The following AVEN variants were observed in gnomAD, a reference collection of about 807,000 sequenced individuals.
AVEN encodes the protein cell death regulator Aven.
A neutral mutation model predicts 38.1 loss-of-function variants in AVEN; 41 were observed. The ratio of observed to expected loss-of-function variants is 1.08; its 90% CI spans 0.84 to 1.40. The LOEUF (loss-of-function observed/expected upper bound fraction) is 1.40. AVEN is among the 40% of genes most tolerant of loss of function. The pLI is 0.00. For synonymous variants in AVEN, 206 were observed against 171.8 expected, an observed-to-expected ratio of 1.20 and a Z score of -1.56; for missense variants, 605 against 438.8, an observed-to-expected ratio of 1.38 and a Z score of -3.38.
chr15:34,033,868 A>G (rs1339632411), intron 1 of AVEN, among the ~76,000 whole-genome samples: 2 of 152,010 alleles, frequency 1.3e-5, no homozygotes, highest in Non-Finnish European at 2.9e-5. Flanking sequence ...GCTCACTGCA[A>G]CCTCCGCCTC....
rs766139908 is a variant in AVEN, at chr15:33,867,678, G to C, written c.790C>G (p.Pro264Ala). 2.0e-5 allele frequency: 33 copies of C among 1,614,006 alleles called. No individual in the cohort carries two copies. Among genetic ancestry groups the C allele is most frequent in the Non-Finnish European group, 2.8e-5 (33 of 1,180,026 alleles). ...GTGGGTTTCTGAGAATCCCTTGAAG[G>C]ACCCGGGCTTGGGTTGTCTTTGCCC... ...LLGKDNPSPG[P>A]SRDSQKPTSP... Residue 264 changes from proline to alanine, a missense_variant, in exon 5 of 6, where the codon CCT (proline) becomes GCT (alanine). Coordinates refer to ENST00000306730, the MANE Select transcript of AVEN (RefSeq NM_020371.3).
intron 2 of AVEN, among the ~76,000 whole-genome samples, chr15:33,876,329 T>C (rs1230943438): frequency 6.6e-6 from 1 of 152,204 alleles, no homozygotes; most frequent in Non-Finnish European, 1.5e-5. Context: ...CCCAGCACTT[T>C]GGGAGGCTGA....
intron 5 of AVEN, chr15:34,062,827 C>A (rs772868482): frequency 1.2e-6 from 2 of 1,614,242 alleles, no homozygotes; most frequent in Admixed American, 3.3e-5. Context: ...GCAGCTGTGA[C>A]TGCTGTGGTA....
At chr15:33,852,961 C>G in the AVEN span, 1 of 1,167,332 alleles carries the variant, frequency 8.6e-7, no homozygotes, top group East Asian at 2.5e-5. Flanking sequence ...ATCCCAGATC[C>G]AGGCACTCAA....
In AVEN at chr15:33,859,810, G is replaced by A. The variant is rs771805578; in HGVS notation, n.2730-716C>T. 4.9e-6 allele frequency: 7 copies of A among 1,418,324 alleles called. No individual in the cohort carries two copies. The South Asian group carries it at 6.6e-5, about 13-fold the overall frequency. 87.9% of individuals were successfully genotyped at this position (1,418,324 alleles called of 1,614,324 possible). ...CTTTCTTCCATCTATGACTTAATTG[G>A]TTTATGAAGAAGCGTGTGAATTCAT... is the stretch of plus-strand genomic sequence containing the variant. On this transcript the variant is annotated intron_variant and non_coding_transcript_variant, in intron 11 of 11. Coordinates refer to the AVEN transcript ENST00000675287.
chr15:33,935,335 T>A (rs1198112092), intron 2 of AVEN, among the ~76,000 whole-genome samples: 1 of 152,192 alleles, frequency 6.6e-6, no homozygotes, highest in Non-Finnish European at 1.5e-5. Flanking sequence ...ACATGTGTAT[T>A]CACAATTATT....
intron 1 of AVEN, among the ~76,000 whole-genome samples, chr15:34,017,497 T>TTTTTTTTTTG (rs1555516619): frequency 1.5e-5 from 2 of 133,360 alleles, no homozygotes; most frequent in Non-Finnish European, 3.3e-5. Flanking sequence ...TTTTTTTTTT[T>TTTTTTTTTTG]TTTGAGACAG....
chr15:34,056,320 C>T (rs879833574), intron 5 of AVEN, among the ~76,000 whole-genome samples: 6 of 152,056 alleles, frequency 3.9e-5, no homozygotes, highest in Admixed American at 6.6e-5. Context: ...AGATTTTAGC[C>T]GAAATTAGAA....
intron 2 of AVEN, among the ~76,000 whole-genome samples, chr15:33,974,915 T>C (rs1416956689): frequency 1.3e-5 from 2 of 152,122 alleles, no homozygotes; most frequent in Non-Finnish European, 2.9e-5. Context: ...GAGCTTGCAG[T>C]GAGCCAAGAT....
intron 2 of AVEN, among the ~76,000 whole-genome samples, chr15:33,978,730 C>T (rs1349617657): frequency 6.6e-6 from 1 of 151,882 alleles, no homozygotes; most frequent in African/African-American, 2.4e-5. Flanking sequence ...CGTCCCCAGG[C>T]ATTTGAGAAA....
chr15:33,981,076 A>G (rs527834), intron 2 of AVEN, among the ~76,000 whole-genome samples: 115,268 of 152,156 alleles, frequency 0.76, 48,705 homozygotes, highest in Non-Finnish European at 0.95. Flanking sequence ...TCACAACTTG[A>G]TTCCAAGACT....
intron 2 of AVEN, chr15:33,972,585 G>C (rs1001670689): frequency 6.6e-6 from 1 of 152,122 alleles, no homozygotes; most frequent in Non-Finnish European, 1.5e-5. Flanking sequence ...CAAAACTTCT[G>C]TGTTCTCTGA....
At chr15:34,011,961 A>G (rs541264698) in intron 1 of AVEN, among the ~76,000 whole-genome samples, 1 of 152,308 alleles carries the variant, frequency 6.6e-6, no homozygotes, top group East Asian at 1.9e-4. Flanking sequence ...CAGTTTGTGG[A>G]GGTCCTTTTA....
intron 2 of AVEN, among the ~76,000 whole-genome samples, chr15:33,912,430 A>C (rs1290105513): frequency 6.6e-6 from 1 of 152,218 alleles, no homozygotes; most frequent in Non-Finnish European, 1.5e-5. Flanking sequence ...AACTATGTAA[A>C]ATATTTATAG....
intron 2 of AVEN, among the ~76,000 whole-genome samples, chr15:33,994,147 G>A (rs1001798064): frequency 6.6e-6 from 1 of 152,346 alleles, no homozygotes. Flanking sequence ...TGGTGGGCAA[G>A]TGAGCAGATT....
downstream of AVEN, among the ~76,000 whole-genome samples, chr15:33,862,866 C>G (rs1172529901): frequency 6.6e-6 from 1 of 152,186 alleles, no homozygotes; most frequent in East Asian, 1.9e-4. Context: ...CTGCCTTGGC[C>G]TCAGCCTCCC....
intron 2 of AVEN, among the ~76,000 whole-genome samples, chr15:33,996,264 C>T (rs1288655241): frequency 6.6e-6 from 1 of 152,198 alleles, no homozygotes; most frequent in African/African-American, 2.4e-5. Context: ...CATAGCTGGA[C>T]AAACGGCAGC....
At position 33,917,351 on chromosome 15, in the gene AVEN, G is replaced by GGTGTGTGTGTGTGT. The variant is rs148147589; in HGVS notation, c.446-41370_446-41357dup. 3.5e-3 allele frequency among the ~76,000 whole-genome samples: 497 copies of GGTGTGTGTGTGTGT among 140,340 alleles called. 5 individuals carry two copies. The highest frequency in any genetic ancestry group is 0.012 in the African/African-American group (474 of 38,184). 92.1% of individuals were successfully genotyped at this position (140,340 alleles called of 152,430 possible). On this transcript the variant is annotated intron_variant, in intron 2 of 5. Coordinates refer to ENST00000306730, the MANE Select transcript of AVEN (RefSeq NM_020371.3). ...ATTAATGAATGGATAAAGAAAATGTGGTGTGTGTGTGTGTGTGTGTGTGTA... is the reference window on the plus strand; with the variant it reads ...ATTAATGAATGGATAAAGAAAATGTGGTGTGTGTGTGTGTGTGTGTGTGTGTGTGTGTGTGTGTA...
intron 4 of AVEN, among the ~76,000 whole-genome samples, chr15:33,868,969 G>A (rs563917957): frequency 1.1e-3 from 168 of 152,310 alleles, no homozygotes; most frequent in African/African-American, 3.9e-3. Context: ...GCTCTCGAGG[G>A]AAGGCTCCAG....
Sources: allele counts gnomAD v4.1 joint callset (sites outside exome capture counted in the v4.1 genomes callset), GRCh38; gene constraint gnomAD v4.1.1; transcripts MANE v1.5; gene names NCBI Gene and HGNC (gene_info 2026-07-23, HGNC 2026-07-21).